ZFYVE9: variants seen among roughly 807,000 people sequenced by gnomAD.
ZFYVE9 encodes zinc finger FYVE-type containing 9.
A neutral mutation model predicts 126.7 loss-of-function variants in ZFYVE9; 43 were observed. That is an observed-to-expected ratio of 0.34 (90% CI 0.27 to 0.44). The LOEUF (loss-of-function observed/expected upper bound fraction) is 0.44. ZFYVE9 is among the 20% of genes least tolerant of loss of function. The probability of loss-of-function intolerance (pLI) is 1.00; values close to 1 mark genes in which losing one functional copy is unlikely to be tolerated. For synonymous variants in ZFYVE9, 521 were observed against 597.4 expected, an observed-to-expected ratio of 0.87 and a Z score of 1.87; for missense variants, 1,476 against 1,697.0, an observed-to-expected ratio of 0.87 and a Z score of 2.29.
chr1:52,255,915 TTTC>T (rs1327411333), intron 4 of ZFYVE9, among the ~76,000 whole-genome samples: 1 of 79,714 alleles, frequency 1.3e-5, no homozygotes, highest in African/African-American at 7.5e-5. Flanking sequence ...TTTCTTTTCT[TTTC>T]TTTTCTTTTC....
At position 52,158,308 on chromosome 1, in the gene ZFYVE9, A is replaced by G. The variant is rs370316034; in HGVS notation, c.-143+15905A>G. On this transcript the variant is annotated intron_variant, in intron 1 of 18. Coordinates refer to ENST00000287727, the MANE Select transcript of ZFYVE9 (RefSeq NM_004799.4). ...GGGATTATAGTCTCTGTTCTCCTTTATGAGGTCCAAGATGTCCTTGGCAGG... is the reference window on the plus strand; with the variant it reads ...GGGATTATAGTCTCTGTTCTCCTTTGTGAGGTCCAAGATGTCCTTGGCAGG... 3.9e-5 allele frequency among the ~76,000 whole-genome samples: 6 copies of G among 152,130 alleles called. No homozygotes were observed. The East Asian group carries it at 5.8e-4, about 15-fold the overall frequency.
chr1:52,263,753 T>TCCCCC lies in ZFYVE9; in HGVS notation c.2179-9_2179-5dup, dbSNP rs58847260. The TCCCCC allele has an allele frequency of 5.6e-6, 4 of 713,614 alleles. No individual in the cohort carries two copies. The highest frequency in any genetic ancestry group is 9.5e-5 in the African/African-American group (2 of 21,054). 44.2% of individuals were successfully genotyped at this position (713,614 alleles called of 1,614,324 possible). On this transcript the variant is annotated intron_variant, in intron 4 of 18. Transcript: ENST00000287727. ...ATCCCAAGTAAATTTTGTGTGTTCT[T>TCCCCC]CCCCCCCCCCCCCCCACAGGTTTTC...
intron 4 of ZFYVE9, among the ~76,000 whole-genome samples, chr1:52,239,877 A>G (rs533900563): frequency 1.3e-5 from 2 of 152,308 alleles, no homozygotes; most frequent in East Asian, 3.9e-4. Flanking sequence ...ATTGATAGCT[A>G]CTTGGTTAAT....
At chr1:52,306,208 C>T (rs1646083462) in intron 13 of ZFYVE9, among the ~76,000 whole-genome samples, 1 of 152,196 alleles carries the variant, frequency 6.6e-6, no homozygotes, top group Non-Finnish European at 1.5e-5. Context: ...GCTTCCCCTC[C>T]TCTGAGGCCT....
intron 10 of ZFYVE9, 65 bp downstream of exon 10, chr1:52,281,881 A>G (rs1645809316): frequency 6.4e-7 from 1 of 1,574,204 alleles, no homozygotes; most frequent in Non-Finnish European, 8.7e-7. Flanking sequence ...GAATTCAAAT[A>G]CAAAATAATA....
intron 1 of ZFYVE9, among the ~76,000 whole-genome samples, chr1:52,199,369 G>A (rs926267255): frequency 1.3e-5 from 2 of 152,212 alleles, no homozygotes; most frequent in East Asian, 1.9e-4. Flanking sequence ...GGCCAATCAC[G>A]GATCTTTTTA....
At chr1:52,226,247 TC>T (rs1645169577) in intron 2 of ZFYVE9, among the ~76,000 whole-genome samples, 1 of 152,180 alleles carries the variant, frequency 6.6e-6, no homozygotes, top group Admixed American at 6.5e-5. Flanking sequence ...AGTCCCTAGT[TC>T]CTGCTGGCAT....
At chr1:52,245,858 T>C (rs1263828976) in intron 4 of ZFYVE9, among the ~76,000 whole-genome samples, 1 of 152,068 alleles carries the variant, frequency 6.6e-6, no homozygotes. Flanking sequence ...AACAAATAGG[T>C]TTCTTTATGG....
intron 8 of ZFYVE9, among the ~76,000 whole-genome samples, chr1:52,275,903 A>ATTTTTT (rs34282653): frequency 1.8e-4 from 21 of 115,618 alleles, no homozygotes; most frequent in Admixed American, 2.7e-4. Flanking sequence ...TTAGCAAGCA[A>ATTTTTT]TTTTTTTTTT....
chr1:52,257,361 G>A (rs1645531819), intron 4 of ZFYVE9, among the ~76,000 whole-genome samples: 2 of 152,064 alleles, frequency 1.3e-5, no homozygotes, highest in Non-Finnish European at 2.9e-5. Context: ...ATTCCCATAA[G>A]GTCATCTGAC....
At chr1:52,151,661 A>G (rs1429478278) in intron 1 of ZFYVE9, among the ~76,000 whole-genome samples, 2 of 151,388 alleles carry the variant, frequency 1.3e-5, no homozygotes. Flanking sequence ...GACTACAGGC[A>G]CCCACCACTA....
At chr1:52,345,624 C>G (rs577968691) in intron 18 of ZFYVE9, 2 of 155,564 alleles carry the variant, frequency 1.3e-5, no homozygotes, top group Non-Finnish European at 1.4e-5. Flanking sequence ...CTGTTACATT[C>G]ATCTTTGGAT....
At chr1:52,212,671 TAATTA>T (rs1645038579) in intron 1 of ZFYVE9, among the ~76,000 whole-genome samples, 1 of 152,208 alleles carries the variant, frequency 6.6e-6, no homozygotes, top group Non-Finnish European at 1.5e-5. Context: ...CTTAATTAAA[TAATTA>T]AATCATTCCA....
At chr1:52,337,989 G>A (rs1242795294) in intron 16 of ZFYVE9, 55 bp downstream of exon 16, 1 of 1,564,212 alleles carries the variant, frequency 6.4e-7, no homozygotes, top group East Asian at 2.3e-5. Flanking sequence ...TAGGCTCTGG[G>A]TTTTGTCTGC....
rs1047791986 is a variant in ZFYVE9, at chr1:52,160,365, T to A, written c.-143+17962T>A. 10 of 1,166,450 alleles carry A rather than the reference T, an allele frequency of 8.6e-6. No homozygotes were observed. The South Asian group carries it at 1.1e-4, about 13-fold the overall frequency. 72.3% of individuals were successfully genotyped at this position (1,166,450 alleles called of 1,614,324 possible). ...TTGTGAGTCACAAATTCATCAACTTTTATCTTTTTGGACATATATTCAGAC... is the reference window on the plus strand; with the variant it reads ...TTGTGAGTCACAAATTCATCAACTTATATCTTTTTGGACATATATTCAGAC... On this transcript the variant is annotated intron_variant, in intron 1 of 18. Transcript: ENST00000287727.
intron 10 of ZFYVE9, among the ~76,000 whole-genome samples, chr1:52,284,971 A>G (rs868062674): frequency 2.0e-5 from 3 of 152,346 alleles, no homozygotes; most frequent in African/African-American, 4.8e-5. Flanking sequence ...TTTTCCTTGA[A>G]TAGGAATCAT....
chr1:52,200,974 TCTC>T (rs955103728), intron 1 of ZFYVE9, among the ~76,000 whole-genome samples: 2 of 152,194 alleles, frequency 1.3e-5, no homozygotes, highest in African/African-American at 4.8e-5. Flanking sequence ...TCTGGGTCTT[TCTC>T]CTCCATATAA....
intron 1 of ZFYVE9, among the ~76,000 whole-genome samples, chr1:52,165,228 TTAG>T (rs1644501895): frequency 6.6e-6 from 1 of 152,086 alleles, no homozygotes; most frequent in Non-Finnish European, 1.5e-5. Flanking sequence ...CATATCAGAC[TTAG>T]TGGTGAAATA....
intron 1 of ZFYVE9, among the ~76,000 whole-genome samples, chr1:52,170,439 T>G (rs1189819894): frequency 6.6e-6 from 1 of 152,148 alleles, no homozygotes; most frequent in African/African-American, 2.4e-5. Flanking sequence ...TTGTATTGTT[T>G]TCATTTCAAA....
Sources: allele counts gnomAD v4.1 joint callset (sites outside exome capture counted in the v4.1 genomes callset), GRCh38; gene constraint gnomAD v4.1.1; transcripts MANE v1.5; gene names NCBI Gene and HGNC (gene_info 2026-07-23, HGNC 2026-07-21).